The following POU6F2 variants were observed in gnomAD, a reference collection of about 807,000 sequenced individuals.
POU6F2 encodes POU class 6 homeobox 2, also known as POU domain, class 6, transcription factor 2.
A neutral mutation model predicts 71.3 loss-of-function variants in POU6F2; 31 were observed. That is an observed-to-expected ratio of 0.43 (90% confidence interval 0.33 to 0.59). The LOEUF is 0.59. POU6F2 is among the 20% of genes least tolerant of loss of function. The pLI is 0.04. For missense variants in POU6F2, 783 were observed against 856.8 expected (o/e 0.91, Z 1.07); for synonymous variants, 347 against 355.7 (o/e 0.98, Z 0.27).
chr7:39,297,944 T>C (rs987239875), intron 4 of POU6F2, among the ~76,000 whole-genome samples: 8 of 152,146 alleles, frequency 5.3e-5, no homozygotes, highest in African/African-American at 1.9e-4. Context: ...GAAAACTAGC[T>C]AGCCATATGC....
At chr7:39,356,481 A>C (rs1384270837) in intron 5 of POU6F2, among the ~76,000 whole-genome samples, 1 of 152,104 alleles carries the variant, frequency 6.6e-6, no homozygotes. Flanking sequence ...GGCACTTAGC[A>C]TTTGCTCTTT....
chr7:39,323,189 A>C (rs1188155860), intron 4 of POU6F2, among the ~76,000 whole-genome samples: 2 of 152,086 alleles, frequency 1.3e-5, no homozygotes, highest in Non-Finnish European at 2.9e-5. Context: ...ATCCAGGGAC[A>C]CATTAATTGT....
intron 2 of POU6F2, among the ~76,000 whole-genome samples, chr7:39,093,853 T>C (rs1003809402): frequency 2.0e-5 from 3 of 152,190 alleles, no homozygotes; most frequent in African/African-American, 7.2e-5. Context: ...TAATGCTATC[T>C]GTATAAAATA....
intron 2 of POU6F2, among the ~76,000 whole-genome samples, chr7:39,138,169 C>T (rs577548332): frequency 6.6e-6 from 1 of 152,256 alleles, no homozygotes; most frequent in East Asian, 1.9e-4. Flanking sequence ...CCTTATGAAA[C>T]TATAAAATGA....
At chr7:39,340,437 T>C (rs1035141143) in intron 5 of POU6F2, among the ~76,000 whole-genome samples, 10 of 152,356 alleles carry the variant, frequency 6.6e-5, no homozygotes, top group Non-Finnish European at 1.3e-4. Context: ...CTCTATATTA[T>C]GAATACAACA....
intron 2 of POU6F2, among the ~76,000 whole-genome samples, chr7:39,181,021 T>C (rs1182979177): frequency 6.6e-6 from 1 of 152,230 alleles, no homozygotes; most frequent in Non-Finnish European, 1.5e-5. Flanking sequence ...CATGTGATTC[T>C]AATGTGCCCC....
chr7:39,358,873 T>TTA (rs1554346140), intron 5 of POU6F2, among the ~76,000 whole-genome samples: 3 of 134,390 alleles, frequency 2.2e-5, no homozygotes, highest in Non-Finnish European at 4.7e-5. Context: ...CTTCTGTATT[T>TTA]AAAAAAAAAA....
intron 5 of POU6F2, among the ~76,000 whole-genome samples, chr7:39,394,982 A>G (rs893942548): frequency 6.6e-6 from 1 of 152,090 alleles, no homozygotes; most frequent in African/African-American, 2.4e-5. Flanking sequence ...GTGGTGAACC[A>G]TACCGTGCTT....
At chr7:39,043,164 A>G (rs139448786) in intron 1 of POU6F2, among the ~76,000 whole-genome samples, 2 of 152,090 alleles carry the variant, frequency 1.3e-5, no homozygotes, top group African/African-American at 4.8e-5. Context: ...TTAACATGCT[A>G]TATTTTGCAC....
intron 4 of POU6F2, among the ~76,000 whole-genome samples, chr7:39,309,129 G>T (rs1785106834): frequency 6.6e-6 from 1 of 152,200 alleles, no homozygotes; most frequent in East Asian, 1.9e-4. Flanking sequence ...TTATAAATCA[G>T]AACGAGGGGG....
intron 1 of POU6F2, among the ~76,000 whole-genome samples, chr7:39,001,779 T>C (rs1387164286): frequency 2.0e-5 from 3 of 151,896 alleles, no homozygotes; most frequent in Admixed American, 2.0e-4. Flanking sequence ...ATGGTGATAG[T>C]GATGGTGATG....
In POU6F2 at chr7:39,292,193, G is replaced by A. The variant is rs908657290; in HGVS notation, c.599-47449G>A. Among the ~76,000 whole-genome samples, 50 of 152,270 alleles carry A rather than the reference G, an allele frequency of 3.3e-4. 1 individual carries two copies. Among genetic ancestry groups the A allele is most frequent in the Admixed American group, 2.9e-3 (45 of 15,304 alleles). ...CCCTACACACCTTCCACCCGGCGCC[G>A]GGCTAGATGTGAAACCTATAAGAGT... On this transcript the variant is annotated intron_variant, in intron 4 of 9. Coordinates refer to ENST00000518318, the MANE Select transcript of POU6F2 (RefSeq NM_001370959.1).
At chr7:39,220,156 A>ATT (rs1794320145) in intron 4 of POU6F2, among the ~76,000 whole-genome samples, 1 of 152,142 alleles carries the variant, frequency 6.6e-6, no homozygotes, top group Admixed American at 6.5e-5. Context: ...CTGGAGTTTT[A>ATT]TTTCCTTTGA....
intron 5 of POU6F2, among the ~76,000 whole-genome samples, chr7:39,394,961 T>C (rs1787143760): frequency 6.6e-6 from 1 of 152,178 alleles, no homozygotes. Flanking sequence ...CTGTGTTTGA[T>C]GAATGAATGA....
intron 6 of POU6F2, among the ~76,000 whole-genome samples, chr7:39,423,845 A>AGAACTACT (rs1387155720): frequency 2.6e-5 from 4 of 152,206 alleles, no homozygotes; most frequent in South Asian, 2.1e-4. Context: ...CCTTTCTGGG[A>AGAACTACT]GAACTACTTT....
chr7:39,015,584 TTTTA>T (rs1226297741), intron 1 of POU6F2, among the ~76,000 whole-genome samples: 3 of 103,120 alleles, frequency 2.9e-5, no homozygotes, highest in Admixed American at 1.4e-4. Flanking sequence ...TATATCTATG[TTTTA>T]TATAGATATA....
intron 2 of POU6F2, among the ~76,000 whole-genome samples, chr7:39,195,319 A>G (rs1207877526): frequency 1.3e-5 from 2 of 152,194 alleles, no homozygotes; most frequent in African/African-American, 4.8e-5. Flanking sequence ...TGTACCATGC[A>G]TATTAGCAGA....
chr7:39,002,784 T>C (rs1236056117), intron 1 of POU6F2, among the ~76,000 whole-genome samples: 3 of 152,286 alleles, frequency 2.0e-5, no homozygotes, highest in African/African-American at 7.2e-5. Flanking sequence ...CGGGGAATTT[T>C]TGAATTTTTT....
At chr7:39,218,152 A>T (rs1332289913) in intron 4 of POU6F2, among the ~76,000 whole-genome samples, 1 of 152,180 alleles carries the variant, frequency 6.6e-6, no homozygotes, top group African/African-American at 2.4e-5. Context: ...CCGAGTTGGC[A>T]AAAGTGAGTA....
Sources: gnomAD v4.1 joint callset for allele counts (sites outside exome capture counted in the v4.1 genomes callset) on GRCh38, gnomAD v4.1.1 for gene constraint, MANE v1.5 for transcripts, NCBI Gene and HGNC (gene_info 2026-07-23, HGNC 2026-07-21) for gene names.